FUT8: variants seen among roughly 807,000 people sequenced by gnomAD.
FUT8 encodes fucosyltransferase 8.
Under a neutral mutation model 71.3 loss-of-function variants are expected in FUT8, and 29 were observed. The ratio of observed to expected loss-of-function variants is 0.41; its 90% CI spans 0.30 to 0.55. FUT8 has a LOEUF of 0.55. Ranked by LOEUF, FUT8 falls within the 20% of genes least tolerant of loss-of-function variation. The pLI is 0.34. For missense variants in FUT8, 544 were observed against 702.1 expected, an observed-to-expected ratio of 0.77 and a Z score of 2.55; for synonymous variants, 254 against 239.3, an observed-to-expected ratio of 1.06 and a Z score of -0.57.
intron 2 of FUT8, among the ~76,000 whole-genome samples, chr14:65,477,960 T>C (rs889066169): frequency 2.6e-5 from 4 of 151,816 alleles, no homozygotes; most frequent in African/African-American, 9.7e-5. Context: ...AGTCAGAAAC[T>C]AATATAGCCA....
At chr14:65,631,720 TC>T (rs1890189955) in intron 6 of FUT8, among the ~76,000 whole-genome samples, 1 of 152,156 alleles carries the variant, frequency 6.6e-6, no homozygotes, top group Non-Finnish European at 1.5e-5. Context: ...TTTCTTTTTT[TC>T]ATAGGTTGTT....
chr14:65,674,301 G>A (rs115925384), intron 7 of FUT8, among the ~76,000 whole-genome samples: 1 of 152,122 alleles, frequency 6.6e-6, no homozygotes, highest in Non-Finnish European at 1.5e-5. Flanking sequence ...ATATTAGACT[G>A]TGAGTCTGAT....
In FUT8 at chr14:65,483,615, G is replaced by A. The variant is rs1399973682; in HGVS notation, c.-228+27897G>A. Among the ~76,000 whole-genome samples, 1 of 151,958 alleles carries A rather than the reference G, an allele frequency of 6.6e-6. No individual in the cohort carries two copies. Among genetic ancestry groups the A allele is most frequent in the Non-Finnish European group, 1.5e-5 (1 of 67,986 alleles). ...TTTGGATGTTTAATTTCTTTCAGCA[G>A]TATTTTATTGTTTTCAATGTACTGA... On this transcript the variant is annotated intron_variant, in intron 2 of 10. Transcript: ENST00000673929. The surrounding 1 kb of genome is among the most constrained non-coding windows in gnomAD (Gnocchi z 4.4).
chr14:65,704,148 T>G (rs779755205), intron 7 of FUT8, among the ~76,000 whole-genome samples: 4 of 152,144 alleles, frequency 2.6e-5, no homozygotes, highest in Non-Finnish European at 5.9e-5. Flanking sequence ...AAACATCTCA[T>G]TCGTAACTCC....
intron 2 of FUT8, among the ~76,000 whole-genome samples, chr14:65,459,052 G>T (rs2065935867): frequency 3.9e-5 from 6 of 152,182 alleles, no homozygotes; most frequent in Admixed American, 3.3e-4. Flanking sequence ...GCCTCCTGAA[G>T]TGCTGGGATT....
intron 2 of FUT8, among the ~76,000 whole-genome samples, chr14:65,518,710 A>G (rs1179644743): frequency 6.6e-6 from 1 of 151,826 alleles, no homozygotes; most frequent in African/African-American, 2.4e-5. Context: ...TTTTTTTTGT[A>G]GAGATGGTGT....
chr14:65,609,123 C>T lies in FUT8; in HGVS notation c.204-6855C>T, dbSNP rs545171758. Among the ~76,000 whole-genome samples the T allele has an allele frequency of 4.0e-5, 6 of 151,642 alleles. No homozygotes were observed. In the East Asian group the frequency reaches 7.8e-4, roughly 20 times the overall value. On this transcript the variant is annotated intron_variant, in intron 3 of 10. Coordinates refer to ENST00000673929, the MANE Select transcript of FUT8 (RefSeq NM_001371533.1). ...CAGCCTGGCCAACATGGCAAAACCC[C>T]GTCTCTACTAAAAATATAAAAATTA...
Position 65,742,504 on chromosome 14 carries a change from T to A in FUT8, c.*94T>A. The A allele has an allele frequency of 9.4e-7, 1 of 1,059,196 alleles. No individual in the cohort carries two copies. The highest frequency in any genetic ancestry group is 1.4e-6 in the Non-Finnish European group (1 of 736,546). 65.6% of individuals were successfully genotyped at this position (1,059,196 alleles called of 1,614,324 possible). On this transcript the variant is annotated 3_prime_UTR_variant, in exon 11 of 11. Coordinates refer to ENST00000673929, the MANE Select transcript of FUT8 (RefSeq NM_001371533.1). ...ACTGTAGATGAAGAGGGCTCTGATCTAACAAAATAAGGTTATATGAGTAGA... is the reference window on the plus strand; with the variant it reads ...ACTGTAGATGAAGAGGGCTCTGATCAAACAAAATAAGGTTATATGAGTAGA...
At chr14:65,530,867 C>T (rs1332497144) in intron 2 of FUT8, among the ~76,000 whole-genome samples, 1 of 150,148 alleles carries the variant, frequency 6.7e-6, no homozygotes. Context: ...CCATCTCTCC[C>T]CAGAATTTGA....
At chr14:65,542,072 C>T (rs925234238) in intron 2 of FUT8, among the ~76,000 whole-genome samples, 2 of 152,128 alleles carry the variant, frequency 1.3e-5, no homozygotes, top group African/African-American at 4.8e-5. Flanking sequence ...TACCTACCTA[C>T]GTCGTAAGGG....
chr14:65,492,600 G>A (rs79464265), intron 2 of FUT8, among the ~76,000 whole-genome samples: 120 of 152,226 alleles, frequency 7.9e-4, no homozygotes, highest in African/African-American at 2.8e-3. Context: ...TGCCTGATTT[G>A]CAGATTGTTC....
chr14:65,597,229 G>C (rs547397224), intron 3 of FUT8, among the ~76,000 whole-genome samples: 2 of 152,280 alleles, frequency 1.3e-5, no homozygotes, highest in South Asian at 4.1e-4. Context: ...AAAAACTATA[G>C]TTTAAATCTC....
At chr14:65,740,200 C>T (rs912942883) in intron 10 of FUT8, among the ~76,000 whole-genome samples, 4 of 151,990 alleles carry the variant, frequency 2.6e-5, no homozygotes, top group Non-Finnish European at 5.9e-5. Flanking sequence ...CGTTGTTGAA[C>T]TAATAAATCT....
At chr14:65,455,022 G>A (rs1594647861) in intron 1 of FUT8, among the ~76,000 whole-genome samples, 1 of 152,140 alleles carries the variant, frequency 6.6e-6, no homozygotes, top group South Asian at 2.1e-4. Context: ...GTATAGAGGG[G>A]CTGGATTTTG....
chr14:65,565,065 C>T (rs1016601065), intron 3 of FUT8, among the ~76,000 whole-genome samples: 1 of 151,954 alleles, frequency 6.6e-6, no homozygotes, highest in African/African-American at 2.4e-5. Context: ...CCTGAGGCTG[C>T]TTCAATTCAT....
chr14:65,688,520 C>CAAAAAAAAAAA (rs34293733), intron 7 of FUT8, among the ~76,000 whole-genome samples: 2 of 55,122 alleles, frequency 3.6e-5, no homozygotes, highest in African/African-American at 1.5e-4. Context: ...ATCCACATGC[C>CAAAAAAAAAAA]AAAAAAAAAA....
chr14:65,461,158 A>G (rs1305874751), intron 2 of FUT8, among the ~76,000 whole-genome samples: 4 of 152,080 alleles, frequency 2.6e-5, no homozygotes, highest in Non-Finnish European at 4.4e-5. Flanking sequence ...CTAGGTAAGA[A>G]TCCTTTCCTT....
chr14:65,505,408 G>C (rs1160375221), intron 2 of FUT8, among the ~76,000 whole-genome samples: 1 of 149,876 alleles, frequency 6.7e-6, no homozygotes, highest in Admixed American at 6.7e-5. Flanking sequence ...CTCCTCCCAG[G>C]TTCACGCCAT....
intron 1 of FUT8, among the ~76,000 whole-genome samples, chr14:65,442,596 A>AGGCCGAGG (rs1299138773): frequency 1.3e-5 from 2 of 151,954 alleles, no homozygotes; most frequent in African/African-American, 2.4e-5. Flanking sequence ...ACACTTGGGG[A>AGGCCGAGG]GGCCGAGGCA....
Sources: allele counts gnomAD v4.1 joint callset (sites outside exome capture counted in the v4.1 genomes callset), GRCh38; gene constraint gnomAD v4.1.1; non-coding constraint Gnocchi (gnomAD v3.1); transcripts MANE v1.5; gene names NCBI Gene and HGNC (gene_info 2026-07-23, HGNC 2026-07-21).